Variants in FOXP1 observed in about 807,000 individuals in gnomAD.
FOXP1 encodes forkhead box P1.
Under a neutral mutation model 98.2 loss-of-function variants are expected in FOXP1, and 15 were observed. That is an observed-to-expected ratio of 0.15 (90% CI 0.10 to 0.24). The LOEUF (loss-of-function observed/expected upper bound fraction) is 0.24. Ranked by LOEUF, FOXP1 falls within the 10% of genes least tolerant of loss-of-function variation. The pLI is 1.00. For missense variants in FOXP1, 633 were observed against 848.5 expected, an observed-to-expected ratio of 0.75 and a Z score of 3.15; for synonymous variants, 371 against 314.5, an observed-to-expected ratio of 1.18 and a Z score of -1.90.
intron 4 of FOXP1, among the ~76,000 whole-genome samples, chr3:71,312,604 G>T (rs1431676272): frequency 6.6e-6 from 1 of 152,198 alleles, no homozygotes; most frequent in African/African-American, 2.4e-5. Flanking sequence ...CAGGACGATT[G>T]CTTGAGCCCA....
chr3:71,461,573 C>T (rs1209544765), intron 3 of FOXP1, among the ~76,000 whole-genome samples: 8 of 151,866 alleles, frequency 5.3e-5, no homozygotes, highest in East Asian at 1.9e-4. Context: ...GAGGCCGAAG[C>T]GGGTGGATCA....
At chr3:71,152,966 A>G (rs1418046871) in intron 6 of FOXP1, among the ~76,000 whole-genome samples, 2 of 152,102 alleles carry the variant, frequency 1.3e-5, no homozygotes, top group African/African-American at 4.8e-5. Context: ...CAAACTTTCC[A>G]TCCCTTCCCC....
At chr3:71,358,438 G>T (rs2078321200) in intron 4 of FOXP1, among the ~76,000 whole-genome samples, 1 of 152,200 alleles carries the variant, frequency 6.6e-6, no homozygotes, top group African/African-American at 2.4e-5. Context: ...AGGTGAAGAA[G>T]TCACACTCCA....
intron 2 of FOXP1, among the ~76,000 whole-genome samples, chr3:71,512,098 C>A (rs529624090): frequency 3.3e-5 from 5 of 152,122 alleles, no homozygotes; most frequent in Non-Finnish European, 4.4e-5. Flanking sequence ...CATCTTTATA[C>A]GTGAGAAAAC....
intron 2 of FOXP1, chr3:71,570,172 C>T (rs980658290): frequency 6.6e-6 from 1 of 152,196 alleles, no homozygotes; most frequent in African/African-American, 2.4e-5. Flanking sequence ...CTCCAAGTCT[C>T]AAAAGCAAAG....
At chr3:71,199,937 A>T (rs193015197) in intron 5 of FOXP1, among the ~76,000 whole-genome samples, 10 of 151,650 alleles carry the variant, frequency 6.6e-5, no homozygotes, top group African/African-American at 2.2e-4. Flanking sequence ...TTAGCTGGAC[A>T]TGGTGGTGTG....
intron 2 of FOXP1, chr3:71,574,494 C>A (rs2047576261): frequency 6.6e-6 from 1 of 152,172 alleles, no homozygotes; most frequent in Admixed American, 6.5e-5. Context: ...AGGATGCCTT[C>A]TTCTTAGGAT....
chr3:70,968,664 T>TATTTCTGTAGTG (rs1223400013), intron 19 of FOXP1: 1 of 152,214 alleles, frequency 6.6e-6, no homozygotes, highest in Non-Finnish European at 1.5e-5. Context: ...TCCCATGTTT[T>TATTTCTGTAGTG]ATTTCTGTAG....
At chr3:71,240,172 C>G (rs2067129725) in intron 5 of FOXP1, among the ~76,000 whole-genome samples, 2 of 152,266 alleles carry the variant, frequency 1.3e-5, no homozygotes, top group Non-Finnish European at 2.9e-5. Context: ...ATTTTTAGGC[C>G]TATGACCCTT....
intron 3 of FOXP1, among the ~76,000 whole-genome samples, chr3:71,487,000 T>C (rs889338886): frequency 1.3e-5 from 2 of 152,180 alleles, no homozygotes; most frequent in Non-Finnish European, 2.9e-5. Flanking sequence ...GGCATGTATG[T>C]GCCTCTCCCT....
At chr3:71,013,435 C>A (rs1025590853) in intron 12 of FOXP1, among the ~76,000 whole-genome samples, 2 of 152,148 alleles carry the variant, frequency 1.3e-5, no homozygotes, top group Non-Finnish European at 2.9e-5. Context: ...AGGAACCCAA[C>A]TTGCAAGGGA....
chr3:71,027,150 G>C (rs1013865429), intron 11 of FOXP1, among the ~76,000 whole-genome samples: 1 of 151,976 alleles, frequency 6.6e-6, no homozygotes, highest in African/African-American at 2.4e-5. Flanking sequence ...CATTAGGCAG[G>C]CATTCTCATT....
chr3:71,560,326 A>G (rs1238632791), intron 2 of FOXP1, among the ~76,000 whole-genome samples: 1 of 152,214 alleles, frequency 6.6e-6, no homozygotes, highest in Non-Finnish European at 1.5e-5. Flanking sequence ...CCTAGAAAGA[A>G]CCTGGCTCAC....
chr3:71,521,860 G>A (rs1191327330), intron 2 of FOXP1, among the ~76,000 whole-genome samples: 6 of 152,086 alleles, frequency 3.9e-5, no homozygotes, highest in Admixed American at 1.3e-4. Context: ...TAGGCAGGGG[G>A]AACTGCTCAT....
At chr3:71,479,677 C>T (rs1295820125) in intron 3 of FOXP1, among the ~76,000 whole-genome samples, 2 of 116,192 alleles carry the variant, frequency 1.7e-5, no homozygotes, top group African/African-American at 7.0e-5. Context: ...AAAACATCAT[C>T]TCAAAAAAAA....
chr3:71,052,170 G>A (rs1198634017), intron 9 of FOXP1, among the ~76,000 whole-genome samples: 326 of 139,756 alleles, frequency 2.3e-3, no homozygotes, highest in Admixed American at 7.8e-3. Flanking sequence ...GTGAGCTGGG[G>A]AAAAAAAAAA....
intron 2 of FOXP1, among the ~76,000 whole-genome samples, chr3:71,520,975 C>T (rs190600585): frequency 6.6e-6 from 1 of 152,300 alleles, no homozygotes; most frequent in Admixed American, 6.5e-5. Flanking sequence ...CACCGACTTG[C>T]ACCCAATATC....
intron 7 of FOXP1, among the ~76,000 whole-genome samples, chr3:71,066,963 A>G (rs2052591696): frequency 6.6e-6 from 1 of 152,186 alleles, no homozygotes; most frequent in African/African-American, 2.4e-5. Context: ...AGAGTGATGC[A>G]ATGCAGTGCT....
intron 14 of FOXP1, among the ~76,000 whole-genome samples, chr3:70,981,191 CAAAAAAAAAAA>C (rs71104406): frequency 1.5e-4 from 9 of 59,954 alleles, no homozygotes; most frequent in East Asian, 5.7e-4. Context: ...CTCTTTCTAC[CAAAAAAAAAAA>C]AAAAAAAAAA....
Sources: gnomAD v4.1 joint callset for allele counts (sites outside exome capture counted in the v4.1 genomes callset) on GRCh38, gnomAD v4.1.1 for gene constraint, MANE v1.5 for transcripts, NCBI Gene and HGNC (gene_info 2026-07-23, HGNC 2026-07-21) for gene names.